The following CREB5 variants were observed in gnomAD, a reference collection of about 807,000 sequenced individuals.
CREB5 encodes the protein cyclic AMP-responsive element-binding protein 5.
Under a neutral mutation model 57.1 loss-of-function variants are expected in CREB5, and 19 were observed. The ratio of observed to expected loss-of-function variants is 0.33; its 90% CI spans 0.23 to 0.49. CREB5 has a LOEUF of 0.49. CREB5 is among the 20% of genes least tolerant of loss of function. The probability of loss-of-function intolerance (pLI) is 0.99; values close to 1 mark genes in which losing one functional copy is unlikely to be tolerated. For synonymous variants in CREB5, 238 were observed against 238.3 expected (o/e 1.00, Z 0.01); for missense variants, 579 against 671.6 (o/e 0.86, Z 1.52).
At chr7:28,470,395 T>C (rs1790756603) in intron 1 of CREB5, among the ~76,000 whole-genome samples, 1 of 152,212 alleles carries the variant, frequency 6.6e-6, no homozygotes, top group Non-Finnish European at 1.5e-5. Context: ...TTGTTGCAAA[T>C]GACTGAATCT....
At chr7:28,708,497 C>T (rs932403478) in intron 5 of CREB5, among the ~76,000 whole-genome samples, 10 of 152,022 alleles carry the variant, frequency 6.6e-5, no homozygotes, top group African/African-American at 2.4e-4. Context: ...CCTTGAGATT[C>T]GAGAAAAGGT....
At chr7:28,703,277 G>A (rs182608159) in intron 5 of CREB5, among the ~76,000 whole-genome samples, 2 of 152,154 alleles carry the variant, frequency 1.3e-5, no homozygotes, top group Non-Finnish European at 2.9e-5. Context: ...TACACTCCAG[G>A]TCTATTTTGG....
chr7:28,438,152 T>G (rs549719378), intron 1 of CREB5, among the ~76,000 whole-genome samples: 1 of 152,204 alleles, frequency 6.6e-6, no homozygotes, highest in African/African-American at 2.4e-5. Context: ...TTGATTGTTA[T>G]GTAACAGACT....
intron 7 of CREB5, among the ~76,000 whole-genome samples, chr7:28,751,654 TAC>T (rs1368108450): frequency 3.9e-5 from 6 of 152,250 alleles, no homozygotes; most frequent in African/African-American, 1.4e-4. Flanking sequence ...GCAAAAATGG[TAC>T]AGAGTTCCGA....
At chr7:28,310,213 C>A (rs1434647233) in intron 1 of CREB5, among the ~76,000 whole-genome samples, 1 of 152,104 alleles carries the variant, frequency 6.6e-6, no homozygotes, top group Non-Finnish European at 1.5e-5. Flanking sequence ...GGTGAGGCTG[C>A]AGAGAATAGG....
Position 28,825,571 on chromosome 7 carries a change from G to C in CREB5, c.*6292G>C, listed in dbSNP as rs148153767. On this transcript the variant is annotated 3_prime_UTR_variant, in exon 11 of 11. Coordinates refer to ENST00000357727, the MANE Select transcript of CREB5 (RefSeq NM_182898.4). ...TGTCACTTTAAGTTCTGGACTTGGG[G>C]TTCTTTGTATTTGTAAACAGCAAAG... The C allele has an allele frequency of 6.6e-3, 1,013 of 152,694 alleles. 6 individuals carry two copies. Among genetic ancestry groups the C allele is most frequent in the Non-Finnish European group, 0.011 (725 of 68,014 alleles). The allele number at this position is 152,694 out of a possible 1,614,324, so 9.5% of individuals were successfully genotyped here.
intron 7 of CREB5, among the ~76,000 whole-genome samples, chr7:28,769,108 G>A (rs1220030599): frequency 6.6e-6 from 1 of 152,198 alleles, no homozygotes; most frequent in Non-Finnish European, 1.5e-5. Context: ...GCAAAGAGTT[G>A]GGAAGATAGT....
chr7:28,359,175 G>A (rs1395093427), intron 1 of CREB5, among the ~76,000 whole-genome samples: 5 of 140,030 alleles, frequency 3.6e-5, no homozygotes, highest in Non-Finnish European at 6.2e-5. Flanking sequence ...AACCCAAAAC[G>A]AAACAAACAA....
At chr7:28,639,789 A>T (rs1407840103) in intron 5 of CREB5, among the ~76,000 whole-genome samples, 1 of 152,214 alleles carries the variant, frequency 6.6e-6, no homozygotes, top group African/African-American at 2.4e-5. Flanking sequence ...GGTTCCTTTG[A>T]TACTTAAAAG....
chr7:28,450,211 A>T (rs1789726151), intron 1 of CREB5, among the ~76,000 whole-genome samples: 1 of 152,226 alleles, frequency 6.6e-6, no homozygotes, highest in South Asian at 2.1e-4. Flanking sequence ...GTTGTGACTG[A>T]TAATAATGAT....
At chr7:28,586,723 C>A (rs964600179) in intron 5 of CREB5, among the ~76,000 whole-genome samples, 1 of 152,218 alleles carries the variant, frequency 6.6e-6, no homozygotes, top group Non-Finnish European at 1.5e-5. Context: ...AAAACAAGTT[C>A]TAATTTAATA....
intron 5 of CREB5, among the ~76,000 whole-genome samples, chr7:28,699,314 T>C (rs1801729767): frequency 1.3e-5 from 2 of 152,204 alleles, no homozygotes; most frequent in African/African-American, 4.8e-5. Flanking sequence ...CAATGTATTT[T>C]TTCAAAAGAT....
At position 28,516,968 on chromosome 7, in the gene CREB5, C is replaced by T. The variant is rs181128617; in HGVS notation, c.291+9231C>T. ...TGGGCTCAGGAGGCCCTTGCATCTG[C>T]AGAGGAAGCTCACGCTGTCCTCCGC... On this transcript the variant is annotated intron_variant, in intron 4 of 10. Transcript: ENST00000357727. Among the ~76,000 whole-genome samples the T allele has an allele frequency of 1.2e-4, 18 of 152,290 alleles. No individual in the cohort carries two copies. The East Asian group carries it at 2.9e-3, about 25-fold the overall frequency.
chr7:28,686,250 C>A, intron 5 of CREB5: 2 of 1,421,000 alleles, frequency 1.4e-6, no homozygotes, highest in Admixed American at 1.7e-5. Flanking sequence ...TTTTTTTTGC[C>A]CCTACTGCCT....
chr7:28,570,297 T>G, intron 4 of CREB5, 68 bp from the exon 5 acceptor site: 2 of 1,525,524 alleles, frequency 1.3e-6, no homozygotes, highest in Non-Finnish European at 8.9e-7. Context: ...TTTTGGCCTT[T>G]GAGAGCTTGA....
chr7:28,753,941 T>C (rs1260875680), intron 7 of CREB5, among the ~76,000 whole-genome samples: 1 of 151,978 alleles, frequency 6.6e-6, no homozygotes, highest in Non-Finnish European at 1.5e-5. Flanking sequence ...GACGATCTTT[T>C]TTATATTATT....
At chr7:28,464,521 G>GTT (rs1790479741) in intron 1 of CREB5, among the ~76,000 whole-genome samples, 2 of 151,540 alleles carry the variant, frequency 1.3e-5, no homozygotes, top group South Asian at 4.2e-4. Context: ...GTGTGTGTGT[G>GTT]TGTGTGTGTG....
At chr7:28,585,360 A>G (rs1453031905) in intron 5 of CREB5, among the ~76,000 whole-genome samples, 2 of 152,194 alleles carry the variant, frequency 1.3e-5, no homozygotes, top group Admixed American at 6.5e-5. Flanking sequence ...AGGAGAGCCC[A>G]GGGTGGGCCT....
chr7:28,755,417 G>T (rs1186663162), intron 7 of CREB5, among the ~76,000 whole-genome samples: 1 of 152,170 alleles, frequency 6.6e-6, no homozygotes, highest in Non-Finnish European at 1.5e-5. Context: ...GACCTGTTGA[G>T]TTGAGAAGTC....
Sources: allele counts gnomAD v4.1 joint callset (sites outside exome capture counted in the v4.1 genomes callset), GRCh38; gene constraint gnomAD v4.1.1; transcripts MANE v1.5; gene names NCBI Gene and HGNC (gene_info 2026-07-23, HGNC 2026-07-21).